CPA6: variants seen among roughly 807,000 people sequenced by gnomAD.
CPA6 encodes the protein carboxypeptidase A6.
A neutral mutation model predicts 63.3 loss-of-function variants in CPA6; 58 were observed. The observed-to-expected ratio is 0.92, with a 90% confidence interval of 0.74 to 1.14. The LOEUF (loss-of-function observed/expected upper bound fraction) is 1.14. Among genes scored for constraint, CPA6 ranks in the 50% most tolerant of loss-of-function variants. The probability of loss-of-function intolerance (pLI) is 0.00; values close to 1 mark genes in which losing one functional copy is unlikely to be tolerated. For missense variants in CPA6, 565 were observed against 526.6 expected, an observed-to-expected ratio of 1.07 and a Z score of -0.71; for synonymous variants, 185 against 179.0, an observed-to-expected ratio of 1.03 and a Z score of -0.27.
chr8:67,491,357 A>G (rs781216878), intron 6 of CPA6, among the ~76,000 whole-genome samples: 23 of 152,154 alleles, frequency 1.5e-4, no homozygotes, highest in Non-Finnish European at 1.9e-4. Flanking sequence ...AGGCTTCATA[A>G]ATGAAGGGTG....
At chr8:67,587,277 A>G (rs981259181) in intron 2 of CPA6, among the ~76,000 whole-genome samples, 4 of 152,148 alleles carry the variant, frequency 2.6e-5, no homozygotes, top group Non-Finnish European at 5.9e-5. Context: ...GGTGAGCCCA[A>G]GTAATTGACA....
At chr8:67,553,448 T>A (rs1812994105) in intron 2 of CPA6, among the ~76,000 whole-genome samples, 1 of 152,196 alleles carries the variant, frequency 6.6e-6, no homozygotes, top group Admixed American at 6.5e-5. Flanking sequence ...ACTTTCCATT[T>A]GTTTGAAATA....
intron 1 of CPA6, among the ~76,000 whole-genome samples, chr8:67,692,328 CAAAAAAAAAAAA>C (rs55676882): frequency 2.2e-5 from 2 of 89,992 alleles, no homozygotes; most frequent in Non-Finnish European, 2.3e-5. Context: ...AATCCTGTCT[CAAAAAAAAAAAA>C]AAAAAAAAAA....
At chr8:67,476,059 G>A (rs1474096051) in intron 8 of CPA6, among the ~76,000 whole-genome samples, 2 of 150,126 alleles carry the variant, frequency 1.3e-5, no homozygotes, top group Admixed American at 6.7e-5. Flanking sequence ...CTGTTGCTGA[G>A]GTTGGAGTGC....
chr8:67,518,368 C>A (rs796689540), intron 2 of CPA6, among the ~76,000 whole-genome samples: 2 of 152,040 alleles, frequency 1.3e-5, no homozygotes, highest in Admixed American at 6.5e-5. Flanking sequence ...TATGCAAATA[C>A]TTGAATAATT....
intron 2 of CPA6, among the ~76,000 whole-genome samples, chr8:67,545,826 G>A (rs1407581593): frequency 6.6e-5 from 10 of 152,108 alleles, no homozygotes; most frequent in African/African-American, 2.4e-4. Flanking sequence ...GCCTCCCAAA[G>A]TGCTGGGATT....
At chr8:67,455,508 T>C (rs1207425326) in intron 8 of CPA6, among the ~76,000 whole-genome samples, 4 of 151,792 alleles carry the variant, frequency 2.6e-5, no homozygotes. Flanking sequence ...TGGGTGTGCT[T>C]GGAATTGACC....
chr8:67,486,179 T>C (rs959908336), intron 6 of CPA6, among the ~76,000 whole-genome samples: 1 of 152,254 alleles, frequency 6.6e-6, no homozygotes, highest in African/African-American at 2.4e-5. Flanking sequence ...CATCCTTGTA[T>C]TCCTGGGATA....
Position 67,511,642 on chromosome 8 carries a change from C to T in CPA6, c.331G>A (p.Asp111Asn). 6.2e-7 allele frequency: 1 copy of T among 1,600,548 alleles called. No homozygotes were observed. The highest frequency in any genetic ancestry group is 8.6e-7 in the Non-Finnish European group (1 of 1,167,970). ...CCCTTCTCCAGTGTTTTCTGAAGATCTTCTATGAGGACCCTGAATTTGGAA... is the reference window on the plus strand; with the variant it reads ...CCCTTCTCCAGTGTTTTCTGAAGATTTTCTATGAGGACCCTGAATTTGGAA... ...ANIQYKVLIE[D>N]LQKTLEKGSS... The change falls in exon 4 of 11, where the codon GAT becomes AAT. Residue 111 changes from aspartate (D) to asparagine (N), a missense_variant. Coordinates refer to ENST00000297770, the MANE Select transcript of CPA6 (RefSeq NM_020361.5).
chr8:67,603,120 C>T (rs1814539504), intron 2 of CPA6, among the ~76,000 whole-genome samples: 1 of 152,090 alleles, frequency 6.6e-6, no homozygotes, highest in Non-Finnish European at 1.5e-5. Flanking sequence ...TGGCCTATTA[C>T]TTTAAGAAAA....
chr8:67,676,982 T>C (rs1178401303), intron 1 of CPA6, among the ~76,000 whole-genome samples: 2 of 152,204 alleles, frequency 1.3e-5, no homozygotes, highest in Non-Finnish European at 2.9e-5. Context: ...TGTGTTTGCA[T>C]ATATGCCATG....
chr8:67,589,763 T>C (rs532500630), intron 2 of CPA6, among the ~76,000 whole-genome samples: 1 of 152,198 alleles, frequency 6.6e-6, no homozygotes, highest in Admixed American at 6.5e-5. Flanking sequence ...ACTAGAAAGC[T>C]TCCCTATGCC....
intron 2 of CPA6, among the ~76,000 whole-genome samples, chr8:67,551,018 G>A (rs1812925903): frequency 6.6e-6 from 1 of 152,096 alleles, no homozygotes; most frequent in African/African-American, 2.4e-5. Context: ...TTCTTTTGCT[G>A]TGCAGGAGCT....
intron 1 of CPA6, among the ~76,000 whole-genome samples, chr8:67,656,673 CT>C (rs1815993252): frequency 1.3e-5 from 2 of 152,296 alleles, no homozygotes; most frequent in South Asian, 4.1e-4. Flanking sequence ...AAACTCACCT[CT>C]GTAAGAGAGC....
chr8:67,673,384 A>ATTT (rs1363731184), intron 1 of CPA6, among the ~76,000 whole-genome samples: 23 of 103,486 alleles, frequency 2.2e-4, no homozygotes, highest in African/African-American at 1.3e-3. Context: ...ATTATTATTT[A>ATTT]TTTATTTTTT....
At chr8:67,530,504 C>T (rs1025185464) in intron 2 of CPA6, among the ~76,000 whole-genome samples, 5 of 152,124 alleles carry the variant, frequency 3.3e-5, no homozygotes, top group African/African-American at 1.2e-4. Context: ...CTGGAACACT[C>T]CCCACTCCAA....
intron 2 of CPA6, among the ~76,000 whole-genome samples, chr8:67,608,437 A>G (rs1814723035): frequency 6.6e-6 from 1 of 152,104 alleles, no homozygotes; most frequent in African/African-American, 2.4e-5. Flanking sequence ...CAGGATGGCC[A>G]AACTCCAGGG....
rs1318279838 is a variant in CPA6, at chr8:67,737,907, T to G, written c.116+8107A>C. 2.6e-5 allele frequency among the ~76,000 whole-genome samples: 4 copies of G among 152,178 alleles called. No individual in the cohort carries two copies. The East Asian group carries it at 7.7e-4, about 29-fold the overall frequency. Reference sequence around the variant, plus strand: ...ACTCTAGTGCTAGCTCTGCCAATCCTTTTACCTTTATGGAGTTCTGCTTCC... The same window carrying G: ...ACTCTAGTGCTAGCTCTGCCAATCCGTTTACCTTTATGGAGTTCTGCTTCC... On this transcript the variant is annotated intron_variant, in intron 1 of 10. Coordinates refer to ENST00000297770, the MANE Select transcript of CPA6 (RefSeq NM_020361.5).
intron 1 of CPA6, among the ~76,000 whole-genome samples, chr8:67,684,607 G>T (rs1479341221): frequency 6.6e-6 from 1 of 152,122 alleles, no homozygotes; most frequent in African/African-American, 2.4e-5. Context: ...CGGATGCCTG[G>T]AAATCTGGGC....
Sources: allele counts gnomAD v4.1 joint callset (sites outside exome capture counted in the v4.1 genomes callset), GRCh38; gene constraint gnomAD v4.1.1; transcripts MANE v1.5; gene names NCBI Gene and HGNC (gene_info 2026-07-23, HGNC 2026-07-21).